Variants in ADAMTSL1 observed in about 807,000 individuals in gnomAD.
ADAMTSL1 encodes ADAMTS-like protein 1.
In ADAMTSL1, 126 loss-of-function variants were observed where a neutral mutation model predicts 201.8. The ratio of observed to expected loss-of-function variants is 0.62; its 90% CI spans 0.54 to 0.72. The LOEUF (loss-of-function observed/expected upper bound fraction) is 0.72. Among genes scored for constraint, ADAMTSL1 ranks in the 30% least tolerant of loss-of-function variants. ADAMTSL1 has a pLI of 0.00. For missense variants in ADAMTSL1, 2,679 were observed against 2,277.8 expected (o/e 1.18, Z -3.59); for synonymous variants, 1,121 against 903.4 (o/e 1.24, Z -4.32).
intron 21 of ADAMTSL1, among the ~76,000 whole-genome samples, chr9:18,819,455 CA>C (rs11330901): frequency 0.65 from 86,604 of 132,232 alleles, 27,245 homozygotes; most frequent in Non-Finnish European, 0.72. Context: ...GACTCTGTCT[CA>C]AAAAAAAAAA....
intron 26 of ADAMTSL1, among the ~76,000 whole-genome samples, chr9:18,901,570 T>A (rs968042334): frequency 1.3e-5 from 2 of 152,188 alleles, no homozygotes. Flanking sequence ...TAGAGTTTTG[T>A]ATGAAATTGA....
chr9:18,089,194 C>T (rs1823898601), intron 1 of ADAMTSL1, among the ~76,000 whole-genome samples: 1 of 151,992 alleles, frequency 6.6e-6, no homozygotes, highest in Non-Finnish European at 1.5e-5. Flanking sequence ...GTGACTCTGC[C>T]AGGTTTTGGT....
intron 2 of ADAMTSL1, among the ~76,000 whole-genome samples, chr9:18,243,809 C>T (rs1831156592): frequency 6.6e-6 from 1 of 152,080 alleles, no homozygotes; most frequent in African/African-American, 2.4e-5. Flanking sequence ...TCCACTGCTG[C>T]TTCATAGCCT....
chr9:18,218,255 G>A (rs201976691), intron 2 of ADAMTSL1, among the ~76,000 whole-genome samples: 6 of 152,086 alleles, frequency 3.9e-5, no homozygotes, highest in Non-Finnish European at 8.8e-5. Flanking sequence ...GCAGCAAGAG[G>A]TCCTACAAAA....
chr9:17,985,337 T>A (rs561435536), intron 1 of ADAMTSL1, among the ~76,000 whole-genome samples: 201 of 152,278 alleles, frequency 1.3e-3, no homozygotes, highest in African/African-American at 4.7e-3. Context: ...CGTTAAAACT[T>A]TAAATGTTAA....
chr9:18,298,392 A>C (rs1833558306), intron 2 of ADAMTSL1, among the ~76,000 whole-genome samples: 2 of 152,204 alleles, frequency 1.3e-5, no homozygotes, highest in Non-Finnish European at 2.9e-5. Context: ...GTTCTTATCC[A>C]AAATGAAAGG....
rs529429277 is a variant in ADAMTSL1, at chr9:18,849,554, C to T, written c.4249+19577C>T. The stretch of plus-strand genomic sequence containing the variant: ...GGTAAAAATTAATCCACACTGCAGA[C>T]CCACCCAACAGGTGGCAAGGAAGGT... On this transcript the variant is annotated intron_variant, in intron 23 of 28. Transcript: ENST00000380548. 3.9e-5 allele frequency among the ~76,000 whole-genome samples: 6 copies of T among 152,208 alleles called. No homozygotes were observed. The South Asian group carries it at 6.2e-4, about 16-fold the overall frequency.
At chr9:18,536,622 C>T (rs1218818531) in intron 3 of ADAMTSL1, among the ~76,000 whole-genome samples, 3 of 152,116 alleles carry the variant, frequency 2.0e-5, no homozygotes, top group Non-Finnish European at 4.4e-5. Flanking sequence ...ATTTTCATTC[C>T]TAAGGACAGA....
In ADAMTSL1 at chr9:18,795,373, T is replaced by C. The variant is rs754587900; in HGVS notation, c.3678-24T>C. The stretch of plus-strand genomic sequence containing the variant: ...AGGAGTCAACTGACTTGACCAGGTC[T>C]ATATTTCTTTTCTGTCGCTCCAGGA... On this transcript the variant is annotated intron_variant, in intron 19 of 28. Coordinates refer to ENST00000380548, the MANE Select transcript of ADAMTSL1 (RefSeq NM_001040272.6). 13 of 1,613,470 alleles carry C rather than the reference T, an allele frequency of 8.1e-6. No homozygotes were observed. In the East Asian group the frequency reaches 2.9e-4, roughly 36 times the overall value.
intron 2 of ADAMTSL1, among the ~76,000 whole-genome samples, chr9:18,441,535 C>G (rs556412494): frequency 6.6e-6 from 1 of 152,230 alleles, no homozygotes; most frequent in East Asian, 1.9e-4. Context: ...AAAGGAAGAT[C>G]TGGGAAATTC....
chr9:18,877,851 C>G (rs574076685), intron 23 of ADAMTSL1, among the ~76,000 whole-genome samples: 1 of 152,104 alleles, frequency 6.6e-6, no homozygotes, highest in African/African-American at 2.4e-5. Flanking sequence ...AGATTATGTC[C>G]TTTGTCTTCA....
At chr9:18,619,043 C>T (rs1825869326) in intron 4 of ADAMTSL1, among the ~76,000 whole-genome samples, 1 of 152,048 alleles carries the variant, frequency 6.6e-6, no homozygotes, top group African/African-American at 2.4e-5. Context: ...TGAGCAGACG[C>T]CTGATTTGGG....
Position 18,706,824 on chromosome 9 carries a change from T to A in ADAMTSL1, c.1652T>A (p.Val551Glu). ...GTQVRIVRCQ[V>E]LLSFSQSVAD... The stretch of plus-strand genomic sequence containing the variant: ...CAGGTGCGAATAGTCAGGTGCCAGG[T>A]GCTCCTGTCTTTCTCTCAGTCCGTG... The change falls in exon 14 of 29, where the codon GTG (valine) becomes GAG (glutamate). Residue 551 changes from valine to glutamate, a missense_variant. Val to Glu is a moderately radical substitution (Grantham distance 121). Transcript: ENST00000380548. 2 of 1,611,206 alleles carry A rather than the reference T, an allele frequency of 1.2e-6. No homozygotes were observed. The highest frequency in any genetic ancestry group is 8.5e-7 in the Non-Finnish European group (1 of 1,178,678).
chr9:18,250,895 G>A (rs1831441125), intron 2 of ADAMTSL1, among the ~76,000 whole-genome samples: 1 of 152,130 alleles, frequency 6.6e-6, no homozygotes, highest in African/African-American at 2.4e-5. Flanking sequence ...TTATGTGTGA[G>A]TGCTAAAGAA....
At chr9:18,453,704 C>T (rs945622911) in intron 2 of ADAMTSL1, among the ~76,000 whole-genome samples, 3 of 152,136 alleles carry the variant, frequency 2.0e-5, no homozygotes, top group African/African-American at 4.8e-5. Context: ...CCCCAAAGTC[C>T]TACAGGATGG....
chr9:18,697,820 T>A (rs532808299), intron 13 of ADAMTSL1, among the ~76,000 whole-genome samples: 2 of 152,184 alleles, frequency 1.3e-5, no homozygotes, highest in Non-Finnish European at 2.9e-5. Context: ...TGGAAGACGA[T>A]AGGGTTACTG....
chr9:18,259,463 T>A (rs1831827516), intron 2 of ADAMTSL1, among the ~76,000 whole-genome samples: 1 of 150,342 alleles, frequency 6.7e-6, no homozygotes, highest in African/African-American at 2.5e-5. Flanking sequence ...AGTAAGCTAA[T>A]ATCCTGCCAC....
intron 2 of ADAMTSL1, among the ~76,000 whole-genome samples, chr9:18,392,747 A>G (rs1357357322): frequency 6.6e-6 from 1 of 152,236 alleles, no homozygotes; most frequent in Non-Finnish European, 1.5e-5. Flanking sequence ...ACTTCAGAGG[A>G]TACTCTAAAT....
intron 16 of ADAMTSL1, among the ~76,000 whole-genome samples, chr9:18,761,084 G>A (rs1820046666): frequency 6.6e-6 from 1 of 152,214 alleles, no homozygotes; most frequent in Non-Finnish European, 1.5e-5. Context: ...AAGAATGAAT[G>A]AGTGAATGAA....
Sources: gnomAD v4.1 joint callset for allele counts (sites outside exome capture counted in the v4.1 genomes callset) on GRCh38, gnomAD v4.1.1 for gene constraint, MANE v1.5 for transcripts, NCBI Gene and HGNC (gene_info 2026-07-23, HGNC 2026-07-21) for gene names.